PTCHD4: variants seen among roughly 807,000 people sequenced by gnomAD.
The protein encoded by PTCHD4 is patched domain containing 4.
Under a neutral mutation model 58.1 loss-of-function variants are expected in PTCHD4, and 33 were observed. That is an observed-to-expected ratio of 0.57 (90% CI 0.43 to 0.76). PTCHD4 has a LOEUF of 0.76. Among genes scored for constraint, PTCHD4 ranks in the 30% least tolerant of loss-of-function variants. The pLI, the probability that PTCHD4 is intolerant of heterozygous loss-of-function variation, is 0.00. For synonymous variants in PTCHD4, 478 were observed against 409.6 expected, an observed-to-expected ratio of 1.17 and a Z score of -2.02; for missense variants, 1,058 against 1,027.1, an observed-to-expected ratio of 1.03 and a Z score of -0.41.
chr6:47,982,452 G>T (rs1767912205), intron 4 of PTCHD4, among the ~76,000 whole-genome samples: 1 of 150,732 alleles, frequency 6.6e-6, no homozygotes, highest in Admixed American at 6.6e-5. Context: ...AACAAATGAA[G>T]GTGTCACACT....
At chr6:47,905,965 T>C (rs1050602153) in intron 4 of PTCHD4, among the ~76,000 whole-genome samples, 12 of 152,224 alleles carry the variant, frequency 7.9e-5, no homozygotes, top group African/African-American at 1.9e-4. Flanking sequence ...TTGTTGCTTG[T>C]TGTCTGTGGG....
chr6:48,107,998 TGGTG>T (rs1244373881), intron 1 of PTCHD4, among the ~76,000 whole-genome samples: 1 of 152,162 alleles, frequency 6.6e-6, no homozygotes, highest in African/African-American at 2.4e-5. Flanking sequence ...TTTACACTGT[TGGTG>T]GGACTGTAAA....
intron 4 of PTCHD4, among the ~76,000 whole-genome samples, chr6:47,969,877 A>C (rs987179278): frequency 1.3e-5 from 2 of 152,202 alleles, no homozygotes; most frequent in Non-Finnish European, 2.9e-5. Context: ...ACCCTCAATG[A>C]AATATGAGCA....
At chr6:47,961,617 G>A (rs1250959568) in intron 4 of PTCHD4, among the ~76,000 whole-genome samples, 1 of 151,982 alleles carries the variant, frequency 6.6e-6, no homozygotes, top group Non-Finnish European at 1.5e-5. Context: ...TCAATGTAAA[G>A]AATACTATCA....
chr6:47,992,495 G>A (rs1181537344), intron 4 of PTCHD4, among the ~76,000 whole-genome samples: 1 of 152,108 alleles, frequency 6.6e-6, no homozygotes, highest in Non-Finnish European at 1.5e-5. Flanking sequence ...TTCTTCCTTT[G>A]AGCAGTCTTC....
At chr6:47,986,381 C>T (rs919931154) in intron 4 of PTCHD4, among the ~76,000 whole-genome samples, 1 of 152,124 alleles carries the variant, frequency 6.6e-6, no homozygotes, top group African/African-American at 2.4e-5. Context: ...ATTACATCTT[C>T]ATTGTTAGTT....
At chr6:48,062,240 G>A (rs1764655524) in intron 3 of PTCHD4, among the ~76,000 whole-genome samples, 1 of 152,184 alleles carries the variant, frequency 6.6e-6, no homozygotes, top group African/African-American at 2.4e-5. Context: ...ATTGCTTATG[G>A]TGTCAGGACA....
intron 4 of PTCHD4, among the ~76,000 whole-genome samples, chr6:47,927,525 T>C (rs1046281587): frequency 1.3e-5 from 2 of 152,136 alleles, no homozygotes; most frequent in Non-Finnish European, 2.9e-5. Context: ...ATCTAAGTGA[T>C]ACAAGATGTG....
At chr6:47,931,358 T>G (rs1272702535) in intron 4 of PTCHD4, among the ~76,000 whole-genome samples, 1 of 152,220 alleles carries the variant, frequency 6.6e-6, no homozygotes, top group South Asian at 2.1e-4. Context: ...TATGTGTACT[T>G]GGCACTTTTT....
At chr6:47,896,078 T>C (rs1339009608) in intron 4 of PTCHD4, among the ~76,000 whole-genome samples, 1 of 151,998 alleles carries the variant, frequency 6.6e-6, no homozygotes, top group Non-Finnish European at 1.5e-5. Context: ...CAGACTGAGG[T>C]TTTGGGGAGA....
At chr6:48,017,764 GA>G (rs1481768588) in intron 3 of PTCHD4, among the ~76,000 whole-genome samples, 4 of 152,176 alleles carry the variant, frequency 2.6e-5, no homozygotes, top group Admixed American at 6.5e-5. Context: ...CCAATCACTT[GA>G]TTCGTGTGTC....
intron 4 of PTCHD4, among the ~76,000 whole-genome samples, chr6:47,893,218 C>A (rs1764433176): frequency 6.6e-6 from 1 of 152,070 alleles, no homozygotes; most frequent in Non-Finnish European, 1.5e-5. Flanking sequence ...ACCATGTTGA[C>A]CAGGATGGTT....
At chr6:47,897,406 G>A (rs185024820) in intron 4 of PTCHD4, among the ~76,000 whole-genome samples, 133 of 152,240 alleles carry the variant, frequency 8.7e-4, no homozygotes, top group African/African-American at 3.0e-3. Context: ...CATGCATGAC[G>A]CAGTCCTGGA....
rs1233998798 is a variant in PTCHD4, at chr6:47,870,122, T to C, written c.*8181A>G. 6.6e-6 allele frequency among the ~76,000 whole-genome samples: 1 copy of C among 151,708 alleles called. No individual in the cohort carries two copies. The highest frequency in any genetic ancestry group is 2.1e-4 in the South Asian group (1 of 4,832). On this transcript the variant is annotated 3_prime_UTR_variant, in exon 5 of 5. Coordinates refer to ENST00000339488, the MANE Select transcript of PTCHD4 (RefSeq NM_001384253.1). ...TTATGACTAATGGAACTAGATTTCT[T>C]TTGTTGTTAAAATAAAAAGTTGAGA...
intron 4 of PTCHD4, among the ~76,000 whole-genome samples, chr6:47,933,216 C>T (rs1765883020): frequency 6.6e-6 from 1 of 152,152 alleles, no homozygotes; most frequent in East Asian, 1.9e-4. Context: ...CCCAATTGAA[C>T]AAATGGTGAA....
At chr6:48,072,454 G>A (rs1280238429) in intron 1 of PTCHD4, among the ~76,000 whole-genome samples, 1 of 152,080 alleles carries the variant, frequency 6.6e-6, no homozygotes, top group African/African-American at 2.4e-5. Context: ...TTTTCTAGGA[G>A]TATTACTACT....
intron 1 of PTCHD4, among the ~76,000 whole-genome samples, chr6:48,097,537 G>C (rs1765499355): frequency 1.3e-5 from 2 of 152,148 alleles, no homozygotes; most frequent in South Asian, 4.2e-4. Context: ...GTCAATAATA[G>C]AGTAAGAAAT....
At chr6:47,882,660 T>C (rs1317897583) in intron 4 of PTCHD4, among the ~76,000 whole-genome samples, 2 of 148,604 alleles carry the variant, frequency 1.3e-5, no homozygotes, top group South Asian at 2.1e-4. Context: ...ATTCTGGTCA[T>C]ATTAAAATTC....
intron 3 of PTCHD4, among the ~76,000 whole-genome samples, chr6:48,062,356 C>T (rs945918318): frequency 6.6e-6 from 1 of 151,938 alleles, no homozygotes; most frequent in Admixed American, 6.6e-5. Flanking sequence ...CCACCCCCAC[C>T]CCAAGTCCTT....
Sources: gnomAD v4.1 joint callset for allele counts (sites outside exome capture counted in the v4.1 genomes callset) on GRCh38, gnomAD v4.1.1 for gene constraint, MANE v1.5 for transcripts, NCBI Gene and HGNC (gene_info 2026-07-23, HGNC 2026-07-21) for gene names.